SCCPDH: variants seen among roughly 807,000 people sequenced by gnomAD.
SCCPDH encodes the protein saccharopine dehydrogenase-like oxidoreductase.
Under a neutral mutation model 51.5 loss-of-function variants are expected in SCCPDH, and 34 were observed. The observed-to-expected ratio is 0.66, with a 90% confidence interval of 0.50 to 0.88. The LOEUF is 0.88. Among genes scored for constraint, SCCPDH ranks in the 40% least tolerant of loss-of-function variants. SCCPDH has a pLI of 0.00. For synonymous variants in SCCPDH, 187 were observed against 191.3 expected, an observed-to-expected ratio of 0.98 and a Z score of 0.19; for missense variants, 464 against 527.1, an observed-to-expected ratio of 0.88 and a Z score of 1.17.
chr1:246,745,210 G>GT (rs1210605115), intron 5 of SCCPDH, among the ~76,000 whole-genome samples: 2 of 152,106 alleles, frequency 1.3e-5, no homozygotes, highest in African/African-American at 4.8e-5. Flanking sequence ...CGTTGGGAAC[G>GT]TAAGACAGTT....
chr1:246,756,811 GT>G, intron 5 of SCCPDH, among the ~76,000 whole-genome samples: 1 of 152,136 alleles, frequency 6.6e-6, no homozygotes, highest in Admixed American at 6.5e-5. Context: ...TGGTTTTATT[GT>G]TTCTCTTATT....
intron 9 of SCCPDH, among the ~76,000 whole-genome samples, chr1:246,760,844 G>A (rs1331169303): frequency 6.6e-6 from 1 of 152,168 alleles, no homozygotes; most frequent in Non-Finnish European, 1.5e-5. Context: ...TGGAATGTTA[G>A]CATCACTTGC....
intron 5 of SCCPDH, among the ~76,000 whole-genome samples, chr1:246,749,452 A>G (rs1668818838): frequency 6.6e-6 from 1 of 152,170 alleles, no homozygotes; most frequent in African/African-American, 2.4e-5. Flanking sequence ...TGAGGAGGCA[A>G]TGAAGTACAT....
intron 4 of SCCPDH, among the ~76,000 whole-genome samples, chr1:246,743,769 T>G (rs542490248): frequency 1.2e-4 from 18 of 152,306 alleles, no homozygotes; most frequent in Admixed American, 1.0e-3. Flanking sequence ...TTTTAAATAC[T>G]AGAAAAGATT....
chr1:246,742,614 T>C (rs1668697934), intron 4 of SCCPDH, among the ~76,000 whole-genome samples: 1 of 152,252 alleles, frequency 6.6e-6, no homozygotes, highest in Non-Finnish European at 1.5e-5. Flanking sequence ...GTGGTCAGAC[T>C]AACGACATTT....
intron 4 of SCCPDH, among the ~76,000 whole-genome samples, chr1:246,741,615 G>A (rs1668677518): frequency 6.6e-6 from 1 of 152,034 alleles, no homozygotes. Flanking sequence ...TGGCATTTTA[G>A]AAGAACAATA....
chr1:246,726,613 A>G (rs1248262754), intron 1 of SCCPDH, among the ~76,000 whole-genome samples: 1 of 152,148 alleles, frequency 6.6e-6, no homozygotes, highest in Non-Finnish European at 1.5e-5. Context: ...TGAAATTGTC[A>G]TGTTACACAG....
chr1:246,749,105 C>A (rs1284865574), intron 5 of SCCPDH, among the ~76,000 whole-genome samples: 1 of 152,186 alleles, frequency 6.6e-6, no homozygotes, highest in East Asian at 1.9e-4. Context: ...GTGAAAGAGT[C>A]TTGCATGACT....
intron 5 of SCCPDH, among the ~76,000 whole-genome samples, chr1:246,755,014 A>T (rs1322865757): frequency 6.6e-6 from 1 of 152,208 alleles, no homozygotes; most frequent in Non-Finnish European, 1.5e-5. Context: ...CTACAGTTAG[A>T]AGGTGATTAT....
At chr1:246,740,604 G>A (rs1017070628) in intron 4 of SCCPDH, among the ~76,000 whole-genome samples, 1 of 152,124 alleles carries the variant, frequency 6.6e-6, no homozygotes, top group South Asian at 2.1e-4. Context: ...CTTTGTTTAG[G>A]AATCAGCACA....
chr1:246,759,250 G>A, intron 7 of SCCPDH, 99 bp downstream of exon 7: 1 of 710,784 alleles, frequency 1.4e-6, no homozygotes. Flanking sequence ...AAAAGGAAGA[G>A]CTAAGTAATA....
chr1:246,744,706 C>T (rs1668732632), intron 5 of SCCPDH, among the ~76,000 whole-genome samples: 1 of 152,074 alleles, frequency 6.6e-6, no homozygotes, highest in Non-Finnish European at 1.5e-5. Context: ...TCTCTGCCTC[C>T]CGGATTTAAG....
At chr1:246,733,387 A>G (rs2102981200) in intron 2 of SCCPDH, among the ~76,000 whole-genome samples, 1 of 151,694 alleles carries the variant, frequency 6.6e-6, no homozygotes, top group Non-Finnish European at 1.5e-5. Flanking sequence ...GTGCCTGGCC[A>G]TGTGTTTATA....
Position 246,767,346 on chromosome 1 carries a change from C to T in SCCPDH, c.*46C>T, listed in dbSNP as rs77003197. ...AGTCATAACGTGCGTGAATTAACAG[C>T]TTCTCTATTTGATATTTGAAATTCT... On this transcript the variant is annotated 3_prime_UTR_variant, in exon 12 of 12. Transcript: ENST00000366510. 2 of 1,122,796 alleles carry T rather than the reference C, an allele frequency of 1.8e-6. No individual in the cohort carries two copies. Among genetic ancestry groups the T allele is most frequent in the Non-Finnish European group, 2.5e-6 (2 of 794,130 alleles). The allele number at this position is 1,122,796 out of a possible 1,614,324, so 69.6% of individuals were successfully genotyped here. A position where few individuals can be genotyped will look rare whatever the true frequency, so the allele number is the denominator to read the frequency against.
intron 2 of SCCPDH, among the ~76,000 whole-genome samples, chr1:246,732,844 A>G (rs1234707174): frequency 6.6e-6 from 1 of 152,198 alleles, no homozygotes; most frequent in Non-Finnish European, 1.5e-5. Flanking sequence ...GTTGTTATTC[A>G]TCACCATTCT....
At chr1:246,762,735 G>A (rs1207709963) in intron 9 of SCCPDH, among the ~76,000 whole-genome samples, 1 of 151,552 alleles carries the variant, frequency 6.6e-6, no homozygotes, top group Non-Finnish European at 1.5e-5. Context: ...CAGCTACTCA[G>A]GAGGCTGAGG....
chr1:246,746,255 G>A (rs1419974251), intron 5 of SCCPDH, among the ~76,000 whole-genome samples: 2 of 152,120 alleles, frequency 1.3e-5, no homozygotes, highest in Non-Finnish European at 2.9e-5. Flanking sequence ...CCACGTGAGA[G>A]GATCGTGATT....
chr1:246,764,196 G>GGAGGAAATGACGTATT lies in SCCPDH; in HGVS notation c.991-49_991-34dup, dbSNP rs769437075. The GGAGGAAATGACGTATT allele has an allele frequency of 6.2e-5, 69 of 1,109,754 alleles. No individual in the cohort carries two copies. The South Asian group carries it at 8.9e-4, about 14-fold the overall frequency. The allele number at this position is 1,109,754 out of a possible 1,614,324, so 68.7% of individuals were successfully genotyped here. On this transcript the variant is annotated intron_variant, in intron 9 of 11. Coordinates refer to ENST00000366510, the MANE Select transcript of SCCPDH (RefSeq NM_016002.3). Reference sequence around the variant, plus strand: ...GAATAGTCGGTTTTACTATGTTCCAGGAGGAAATGACGTATTTATGAAATG... The same window carrying GGAGGAAATGACGTATT: ...GAATAGTCGGTTTTACTATGTTCCAGGAGGAAATGACGTATTGAGGAAATGACGTATTTATGAAATG...
In SCCPDH at chr1:246,751,930, G is replaced by A. The variant is rs568777464; in HGVS notation, c.565-6296G>A. 1.2e-3 allele frequency among the ~76,000 whole-genome samples: 160 copies of A among 131,420 alleles called. 2 individuals carry two copies. The East Asian group carries it at 0.034, about 28-fold the overall frequency. 86.2% of individuals were successfully genotyped at this position (131,420 alleles called of 152,430 possible). On this transcript the variant is annotated intron_variant, in intron 5 of 11. Transcript: ENST00000366510. Reference sequence around the variant, plus strand: ...TGGGGCTACAGGCTCCCGCCACCACGCCCGGCTAATTTTTTTTTTTTTGTA... The same window carrying A: ...TGGGGCTACAGGCTCCCGCCACCACACCCGGCTAATTTTTTTTTTTTTGTA...
Sources: allele counts gnomAD v4.1 joint callset (sites outside exome capture counted in the v4.1 genomes callset), GRCh38; gene constraint gnomAD v4.1.1; transcripts MANE v1.5; gene names NCBI Gene and HGNC (gene_info 2026-07-23, HGNC 2026-07-21).